Variants in BAG3 observed in about 807,000 individuals in gnomAD.
BAG3 encodes BAG cochaperone 3.
A neutral mutation model predicts 40.5 loss-of-function variants in BAG3; 14 were observed. The ratio of observed to expected loss-of-function variants is 0.35; its 90% CI spans 0.23 to 0.54. The LOEUF is 0.54. Ranked by LOEUF, BAG3 falls within the 20% of genes least tolerant of loss-of-function variation. BAG3 has a pLI of 0.91. For missense variants in BAG3, 788 were observed against 758.6 expected, an observed-to-expected ratio of 1.04 and a Z score of -0.46; for synonymous variants, 302 against 307.8, an observed-to-expected ratio of 0.98 and a Z score of 0.20.
At chr10:119,676,271 T>C (rs116980201) in intron 3 of BAG3, among the ~76,000 whole-genome samples, 193 bp from the exon 4 acceptor site, 3 of 152,156 alleles carry the variant, frequency 2.0e-5, no homozygotes, top group Non-Finnish European at 4.4e-5. Flanking sequence ...TGACTAATGA[T>C]TGGGTTACAT....
Position 119,677,629 on chromosome 10 carries a change from C to T in BAG3, c.*347C>T, listed in dbSNP as rs1409680994. 2 of 339,032 alleles carry T rather than the reference C, an allele frequency of 5.9e-6. No homozygotes were observed. The highest frequency in any genetic ancestry group is 1.2e-4 in the East Asian group (2 of 17,374). The allele number at this position is 339,032 out of a possible 1,614,324, so 21.0% of individuals were successfully genotyped here. On this transcript the variant is annotated 3_prime_UTR_variant, in exon 4 of 4. Coordinates refer to ENST00000369085, the MANE Select transcript of BAG3 (RefSeq NM_004281.4). The stretch of plus-strand genomic sequence containing the variant: ...GAGGGGTAGATGGGGAGTCAATTAC[C>T]CATCACATAAATATGAAACATTTAT...
intron 1 of BAG3, among the ~76,000 whole-genome samples, chr10:119,669,296 TC>T (rs1482006679): frequency 6.6e-6 from 1 of 152,154 alleles, no homozygotes; most frequent in East Asian, 1.9e-4. Flanking sequence ...TCCTTCCCCT[TC>T]CTGCAAATTG....
intron 1 of BAG3, among the ~76,000 whole-genome samples, chr10:119,669,020 C>G (rs972866605): frequency 6.6e-6 from 1 of 152,124 alleles, no homozygotes; most frequent in Non-Finnish European, 1.5e-5. Context: ...GGATTCTTGC[C>G]GAAGACAGGC....
Position 119,676,669 on chromosome 10 carries a change from C to T in BAG3, c.1115C>T (p.Pro372Leu), listed in dbSNP as rs1441877624. 6.2e-7 allele frequency: 1 copy of T among 1,614,160 alleles called. No individual in the cohort carries two copies. Among genetic ancestry groups the T allele is most frequent in the South Asian group, 1.1e-5 (1 of 91,076 alleles). ...GTGAAAGTTCCCCCTGCTCCAGTTCCTTGTCCTCCTCCCAGCCCTGGCCCT... is the reference window on the plus strand; with the variant it reads ...GTGAAAGTTCCCCCTGCTCCAGTTCTTTGTCCTCCTCCCAGCCCTGGCCCT... ...VEVKVPPAPV[P>L]CPPPSPGPSA... is the part of the protein sequence containing the mutation. The change falls in exon 4 of 4, where the codon CCT (proline) becomes CTT (leucine). Residue 372 changes from proline (P) to leucine (L), a missense_variant. Coordinates refer to ENST00000369085, the MANE Select transcript of BAG3 (RefSeq NM_004281.4).
In BAG3 at chr10:119,671,758, G is replaced by A. The variant is rs562205763; in HGVS notation, c.508-497G>A. Among the ~76,000 whole-genome samples the A allele has an allele frequency of 3.3e-5, 5 of 152,190 alleles. No individual in the cohort carries two copies. The South Asian group carries it at 8.3e-4, about 25-fold the overall frequency. On this transcript the variant is annotated intron_variant, in intron 2 of 3. Coordinates refer to ENST00000369085, the MANE Select transcript of BAG3 (RefSeq NM_004281.4). ...CTTGATTCCAAAGCCTTCAGTCTTT[G>A]TTGTGTGTGTGTGTGTTTTGTTTTG... is the stretch of plus-strand genomic sequence containing the variant.
At chr10:119,665,090 G>GT (rs111712526) in intron 1 of BAG3, among the ~76,000 whole-genome samples, 15,380 of 105,306 alleles carry the variant, frequency 0.15, 1,541 homozygotes, top group East Asian at 0.28. Flanking sequence ...GCTAATTTTT[G>GT]TTTGTGTGTG....
intron 1 of BAG3, among the ~76,000 whole-genome samples, chr10:119,658,138 T>C (rs1226616735): frequency 6.6e-6 from 1 of 152,270 alleles, no homozygotes; most frequent in Non-Finnish European, 1.5e-5. Context: ...AGTAGAATTA[T>C]ATATTTTTTT....
In BAG3 at chr10:119,662,225, T is replaced by G. The variant is rs1159444874; in HGVS notation, c.181-7626T>G. ...ACCATGCCTGGCTATGTTTTTTTTT[T>G]GTTTTTTTTTTTTTTGTATTTTTAG... On this transcript the variant is annotated intron_variant, in intron 1 of 3. Coordinates refer to ENST00000369085, the MANE Select transcript of BAG3 (RefSeq NM_004281.4). Among the ~76,000 whole-genome samples, 82 of 121,084 alleles carry G rather than the reference T, an allele frequency of 6.8e-4. 4 individuals carry two copies. In the South Asian group the frequency reaches 0.02, roughly 29 times the overall value. 79.4% of individuals were successfully genotyped at this position (121,084 alleles called of 152,430 possible).
chr10:119,670,272 C>T (rs1345956557), intron 2 of BAG3, 95 bp downstream of exon 2: 2 of 1,342,064 alleles, frequency 1.5e-6, no homozygotes, highest in East Asian at 2.5e-5. Flanking sequence ...CTGGGCCAGG[C>T]ACCTGTTCAC....
intron 1 of BAG3, among the ~76,000 whole-genome samples, chr10:119,664,697 A>C (rs1847035293): frequency 6.6e-6 from 1 of 152,204 alleles, no homozygotes; most frequent in South Asian, 2.1e-4. Context: ...CTTATCTGAG[A>C]GATGCTGGTG....
In BAG3 at chr10:119,665,649, C is replaced by T. The variant is rs540454410; in HGVS notation, c.181-4202C>T. Among the ~76,000 whole-genome samples, 137 of 152,262 alleles carry T rather than the reference C, an allele frequency of 9.0e-4. 1 individual carries two copies. Among genetic ancestry groups the T allele is most frequent in the African/African-American group, 2.9e-3 (119 of 41,554 alleles). The stretch of plus-strand genomic sequence containing the variant: ...TGACCCTAATGATAGTGGATGGGAA[C>T]ATTAGAATGTGGCATCAGCATTCCT... On this transcript the variant is annotated intron_variant, in intron 1 of 3. Coordinates refer to ENST00000369085, the MANE Select transcript of BAG3 (RefSeq NM_004281.4).
chr10:119,657,215 C>CGAGT (rs1444468779), intron 1 of BAG3, among the ~76,000 whole-genome samples: 1 of 152,158 alleles, frequency 6.6e-6, no homozygotes, highest in African/African-American at 2.4e-5. Context: ...CCACAGTGTG[C>CGAGT]GAGTCACAGT....
At chr10:119,655,318 C>G (rs1300812960) in intron 1 of BAG3, among the ~76,000 whole-genome samples, 1 of 152,174 alleles carries the variant, frequency 6.6e-6, no homozygotes, top group Admixed American at 6.5e-5. Context: ...AGAGATCTTC[C>G]TGGACCCCAG....
chr10:119,665,092 TTGTGTGTGTGTG>T (rs1554876557), intron 1 of BAG3, among the ~76,000 whole-genome samples: 3 of 88,004 alleles, frequency 3.4e-5, no homozygotes, highest in Non-Finnish European at 6.8e-5. Context: ...TAATTTTTGT[TTGTGTGTGTGTG>T]TGTGTGTGTG....
At chr10:119,673,196 T>C (rs1050136209) in intron 3 of BAG3, among the ~76,000 whole-genome samples, 1 of 152,232 alleles carries the variant, frequency 6.6e-6, no homozygotes, top group Non-Finnish European at 1.5e-5. Flanking sequence ...TGAAGCCTAC[T>C]CATCCTTCTC....
At position 119,677,200 on chromosome 10, in the gene BAG3, C is replaced by G. The variant is rs1160080805; in HGVS notation, c.1646C>G (p.Thr549Ser). The change falls in exon 4 of 4, where the codon ACC becomes AGC. Residue 549 changes from threonine to serine, a missense_variant. Thr to Ser is a moderately conservative substitution (Grantham distance 58, BLOSUM62 1). Coordinates refer to ENST00000369085, the MANE Select transcript of BAG3 (RefSeq NM_004281.4). ...AGNAEDPHTETQQPEATAAAT... is the reference protein window; with the variant it reads ...AGNAEDPHTESQQPEATAAAT... ...AATGCAGAAGATCCCCACACAGAAA[C>G]CCAGCAGCCAGAAGCCACAGCAGCA... 2 of 1,614,128 alleles carry G rather than the reference C, an allele frequency of 1.2e-6. No homozygotes were observed. The highest frequency in any genetic ancestry group is 1.7e-6 in the Non-Finnish European group (2 of 1,180,026).
At chr10:119,674,922 C>T (rs1345999514) in intron 3 of BAG3, among the ~76,000 whole-genome samples, 2 of 152,146 alleles carry the variant, frequency 1.3e-5, no homozygotes, top group Non-Finnish European at 2.9e-5. Flanking sequence ...TTGCAGTGAA[C>T]TGAGATCACA....
At chr10:119,663,732 GT>G (rs1194341950) in intron 1 of BAG3, among the ~76,000 whole-genome samples, 2 of 152,136 alleles carry the variant, frequency 1.3e-5, no homozygotes, top group Non-Finnish European at 2.9e-5. Context: ...ACTTTTCCTT[GT>G]TTGGGGGCTT....
Position 119,677,371 on chromosome 10 carries a change from G to T in BAG3, c.*89G>T. 1 of 1,533,572 alleles carries T rather than the reference G, an allele frequency of 6.5e-7. No individual in the cohort carries two copies. Among genetic ancestry groups the T allele is most frequent in the South Asian group, 1.1e-5 (1 of 87,286 alleles). 95.0% of individuals were successfully genotyped at this position (1,533,572 alleles called of 1,614,324 possible). A position where few individuals can be genotyped will look rare whatever the true frequency, so the allele number is the denominator to read the frequency against. On this transcript the variant is annotated 3_prime_UTR_variant, in exon 4 of 4. Coordinates refer to ENST00000369085, the MANE Select transcript of BAG3 (RefSeq NM_004281.4). Reference sequence around the variant, plus strand: ...CATTTCAGAGACTTTAAGTCAGTTGGTTTTTATTAGCTGCTTGGTATGCAG... The same window carrying T: ...CATTTCAGAGACTTTAAGTCAGTTGTTTTTTATTAGCTGCTTGGTATGCAG...
Sources: gnomAD v4.1 joint callset for allele counts (sites outside exome capture counted in the v4.1 genomes callset) on GRCh38, gnomAD v4.1.1 for gene constraint, MANE v1.5 for transcripts, NCBI Gene and HGNC (gene_info 2026-07-23, HGNC 2026-07-21) for gene names.